AGBL1: variants seen among roughly 807,000 people sequenced by gnomAD.
The protein encoded by AGBL1 is cytosolic carboxypeptidase 4.
Under a neutral mutation model 118.9 loss-of-function variants are expected in AGBL1, and 130 were observed. The ratio of observed to expected loss-of-function variants is 1.09; its 90% CI spans 0.95 to 1.26. The LOEUF (loss-of-function observed/expected upper bound fraction) is 1.26, where lower values mean the gene tolerates loss of function less well. Among genes scored for constraint, AGBL1 ranks in the 50% most tolerant of loss-of-function variants. The pLI, the probability that AGBL1 is intolerant of heterozygous loss-of-function variation, is 0.00. For missense variants in AGBL1, 1,584 were observed against 1,298.1 expected (o/e 1.22, Z -3.38); for synonymous variants, 555 against 478.9 (o/e 1.16, Z -2.08).
intron 22 of AGBL1, among the ~76,000 whole-genome samples, chr15:86,779,765 A>G (rs1440978247): frequency 6.6e-6 from 1 of 152,048 alleles, no homozygotes; most frequent in African/African-American, 2.4e-5. Flanking sequence ...TTTTTTTCAG[A>G]TGACTAATAA....
intron 18 of AGBL1, among the ~76,000 whole-genome samples, chr15:86,474,508 G>A (rs2082525449): frequency 6.6e-6 from 1 of 152,222 alleles, no homozygotes; most frequent in Admixed American, 6.5e-5. Context: ...CGAACTGCAA[G>A]GCGGCAGCAA....
intron 22 of AGBL1, among the ~76,000 whole-genome samples, chr15:86,716,429 C>G (rs150147926): frequency 5.3e-5 from 8 of 152,234 alleles, no homozygotes; most frequent in Non-Finnish European, 1.5e-5. Flanking sequence ...ATGTCACTTC[C>G]ATTTCATGTG....
intron 21 of AGBL1, among the ~76,000 whole-genome samples, chr15:86,591,622 G>A (rs777281195): frequency 8.2e-4 from 125 of 152,266 alleles, no homozygotes; most frequent in South Asian, 2.7e-3. Context: ...GTGAAGTATG[G>A]AGGAAGTGGC....
rs372531801 is a variant in AGBL1 at position 86,936,236 on chromosome 15, A to ATGTGTG, written c.3222-51748_3222-51747insGTGTGT. On this transcript the variant is annotated intron_variant, in intron 23 of 24. Coordinates refer to the AGBL1 transcript ENST00000441037. The stretch of plus-strand genomic sequence containing the variant: ...TGCCAAATTGTAAACAGCAGTGTGT[A>ATGTGTG]TGTATGTGTGTGTGTGTGTGTGTGT... Among the ~76,000 whole-genome samples, 19 of 105,864 alleles carry ATGTGTG rather than the reference A, an allele frequency of 1.8e-4. No homozygotes were observed. The South Asian group carries it at 2.4e-3, about 13-fold the overall frequency. The allele number at this position is 105,864 out of a possible 152,430, so 69.5% of individuals were successfully genotyped here. A position where few individuals can be genotyped will look rare whatever the true frequency, so the allele number is the denominator to read the frequency against.
At chr15:86,892,381 T>C (rs761174314) in intron 22 of AGBL1, among the ~76,000 whole-genome samples, 12 of 152,148 alleles carry the variant, frequency 7.9e-5, no homozygotes, top group South Asian at 6.2e-4. Context: ...ATGACTTCGA[T>C]TGGGGCTGAA....
chr15:86,987,542 G>A (rs888688267), intron 23 of AGBL1, among the ~76,000 whole-genome samples: 2 of 152,088 alleles, frequency 1.3e-5, no homozygotes, highest in Non-Finnish European at 2.9e-5. Flanking sequence ...CAAAAGTGGT[G>A]AAATTTGGCT....
chr15:86,836,565 G>A (rs576241364), intron 22 of AGBL1, among the ~76,000 whole-genome samples: 1 of 152,262 alleles, frequency 6.6e-6, no homozygotes, highest in East Asian at 1.9e-4. Context: ...CCTTTAAGGA[G>A]TCTAGTTATA....
At chr15:86,673,523 T>A (rs2085782583) in intron 21 of AGBL1, among the ~76,000 whole-genome samples, 1 of 152,212 alleles carries the variant, frequency 6.6e-6, no homozygotes, top group Non-Finnish European at 1.5e-5. Flanking sequence ...GATAAGTTAC[T>A]TGTATTCATA....
At chr15:86,673,350 G>A (rs573301792) in intron 21 of AGBL1, among the ~76,000 whole-genome samples, 21 of 152,248 alleles carry the variant, frequency 1.4e-4, no homozygotes, top group Admixed American at 1.3e-3. Flanking sequence ...TTAGAAACTA[G>A]TGAAACCAGA....
intron 17 of AGBL1, among the ~76,000 whole-genome samples, chr15:86,327,852 G>T (rs745839628): frequency 6.6e-6 from 1 of 152,162 alleles, no homozygotes; most frequent in Non-Finnish European, 1.5e-5. Flanking sequence ...CTAATGATAT[G>T]AGGAGGCTCA....
chr15:86,907,331 T>C lies in AGBL1; in HGVS notation c.*37T>C, dbSNP rs1596619402. On this transcript the variant is annotated 3_prime_UTR_variant, in exon 23 of 23. Transcript: ENST00000614907. ...ACAGCAAGTTCTGTGTCTCCAACCA[T>C]TGGATTGGACTAGCAGCTGTGTTGC... The C allele has an allele frequency of 6.6e-6, 1 of 152,306 alleles. No homozygotes were observed. Among genetic ancestry groups the C allele is most frequent in the East Asian group, 1.9e-4 (1 of 5,160 alleles). The allele number at this position is 152,306 out of a possible 1,614,324, so 9.4% of individuals were successfully genotyped here.
At chr15:86,728,867 C>T (rs896616) in intron 22 of AGBL1, among the ~76,000 whole-genome samples, 91,665 of 151,956 alleles carry the variant, frequency 0.6, 27,874 homozygotes, top group South Asian at 0.69. Flanking sequence ...ATCTAACCTG[C>T]ACATCCAGAT....
At chr15:86,535,270 C>G (rs535603310) in intron 19 of AGBL1, among the ~76,000 whole-genome samples, 1 of 152,236 alleles carries the variant, frequency 6.6e-6, no homozygotes, top group Non-Finnish European at 1.5e-5. Context: ...CTACAATCAG[C>G]TAGCAGAAGG....
At chr15:86,622,483 A>G in intron 21 of AGBL1, among the ~76,000 whole-genome samples, 1 of 152,244 alleles carries the variant, frequency 6.6e-6, no homozygotes, top group East Asian at 1.9e-4. Flanking sequence ...TAAAATCGAC[A>G]ATAACACAAA....
intron 17 of AGBL1, among the ~76,000 whole-genome samples, chr15:86,302,794 A>G (rs2079772550): frequency 6.6e-6 from 1 of 151,264 alleles, no homozygotes; most frequent in African/African-American, 2.4e-5. Flanking sequence ...AAAAAAAAAA[A>G]AAAAAGTAAA....
At chr15:86,507,171 TA>T (rs1015437923) in intron 18 of AGBL1, among the ~76,000 whole-genome samples, 22 of 152,164 alleles carry the variant, frequency 1.4e-4, no homozygotes, top group Admixed American at 6.6e-4. Flanking sequence ...TAAATTAAAG[TA>T]AAATAACTTT....
chr15:86,759,852 C>T (rs776286512), intron 22 of AGBL1, among the ~76,000 whole-genome samples: 1 of 152,120 alleles, frequency 6.6e-6, no homozygotes, highest in Non-Finnish European at 1.5e-5. Context: ...TTAAAAATCA[C>T]AAACACTCCC....
At chr15:86,494,441 C>A (rs2082821797) in intron 18 of AGBL1, among the ~76,000 whole-genome samples, 1 of 151,948 alleles carries the variant, frequency 6.6e-6, no homozygotes, top group African/African-American at 2.4e-5. Flanking sequence ...TATGGAGTAT[C>A]ATTATTCTTT....
chr15:86,948,782 AAAAT>A (rs1399949137), intron 23 of AGBL1, among the ~76,000 whole-genome samples: 1 of 152,258 alleles, frequency 6.6e-6, no homozygotes, highest in African/African-American at 2.4e-5. Context: ...GAGGAAGAGA[AAAAT>A]AAAATAACTA....
Sources: allele counts gnomAD v4.1 joint callset (sites outside exome capture counted in the v4.1 genomes callset), GRCh38; gene constraint gnomAD v4.1.1; transcripts MANE v1.5; gene names NCBI Gene and HGNC (gene_info 2026-07-23, HGNC 2026-07-21).